The following SGCD variants were observed in gnomAD, a reference collection of about 807,000 sequenced individuals.
The protein encoded by SGCD is sarcoglycan delta.
A neutral mutation model predicts 36.6 loss-of-function variants in SGCD; 18 were observed. The ratio of observed to expected loss-of-function variants is 0.49; its 90% CI spans 0.34 to 0.73. SGCD has a LOEUF of 0.73. SGCD is among the 30% of genes least tolerant of loss of function. The probability of loss-of-function intolerance (pLI) is 0.01; values close to 1 mark genes in which losing one functional copy is unlikely to be tolerated. For missense variants in SGCD, 387 were observed against 346.7 expected (o/e 1.12, Z -0.92); for synonymous variants, 133 against 130.6 (o/e 1.02, Z -0.12).
chr5:156,754,763 A>T (rs1757275558), intron 7 of SGCD, among the ~76,000 whole-genome samples: 1 of 152,204 alleles, frequency 6.6e-6, no homozygotes, highest in South Asian at 2.1e-4. Flanking sequence ...GTGAGGATTA[A>T]ATGAGATAAC....
chr5:156,298,977 C>T (rs980685936), intron 3 of SGCD, among the ~76,000 whole-genome samples: 4 of 152,056 alleles, frequency 2.6e-5, no homozygotes, highest in Admixed American at 6.6e-5. Context: ...GCTGTGGTTG[C>T]CTGTGCATGT....
chr5:155,866,702 C>A (rs377289125), upstream of SGCD, among the ~76,000 whole-genome samples: 105 of 152,270 alleles, frequency 6.9e-4, no homozygotes, highest in African/African-American at 2.4e-3. Context: ...TCATTCCATC[C>A]TAACAGCAGG....
At chr5:156,039,751 T>G (rs1021428677) in intron 1 of SGCD, among the ~76,000 whole-genome samples, 1 of 152,150 alleles carries the variant, frequency 6.6e-6, no homozygotes, top group Non-Finnish European at 1.5e-5. Flanking sequence ...AGAGAGTAGT[T>G]TCCTTTTTCT....
rs115312312 is a variant in SGCD at position 156,647,697 on chromosome 5, T to A, written c.575+161T>A. 1.2e-3 allele frequency among the ~76,000 whole-genome samples: 183 copies of A among 152,044 alleles called. 1 individual carries two copies. Among genetic ancestry groups the A allele is most frequent in the African/African-American group, 4.1e-3 (172 of 41,476 alleles). ...AAGATAAGCTACAACCAAAAGAAAA[T>A]TTTCTATGAGAACTTAAAATTGAGG... On this transcript the variant is annotated intron_variant, in intron 7 of 8. Coordinates refer to ENST00000337851, the MANE Select transcript of SGCD (RefSeq NM_000337.6).
upstream of SGCD, chr5:156,326,607 G>T (rs935203178): frequency 2.0e-5 from 3 of 152,316 alleles, no homozygotes; most frequent in African/African-American, 7.2e-5. Flanking sequence ...TTTAGGAAGC[G>T]GCAGGTAGGG....
chr5:156,281,627 C>A (rs896548181), intron 3 of SGCD, among the ~76,000 whole-genome samples: 1 of 151,992 alleles, frequency 6.6e-6, no homozygotes, highest in Non-Finnish European at 1.5e-5. Flanking sequence ...CTTTCATGAA[C>A]CTTACATTCT....
At chr5:155,775,922 C>G in the SGCD span, among the ~76,000 whole-genome samples, 2 of 152,248 alleles carry the variant, frequency 1.3e-5, no homozygotes, top group South Asian at 4.1e-4. Flanking sequence ...TCTGGGTCAT[C>G]ACAAATGCTT....
chr5:155,859,168 C>T, the SGCD span, among the ~76,000 whole-genome samples: 1 of 151,956 alleles, frequency 6.6e-6, no homozygotes, highest in African/African-American at 2.4e-5. Flanking sequence ...TCAGGCAATC[C>T]TTCCACCTTA....
At chr5:156,156,408 C>G (rs557934412) in intron 3 of SGCD, among the ~76,000 whole-genome samples, 1 of 151,600 alleles carries the variant, frequency 6.6e-6, no homozygotes, top group Admixed American at 6.5e-5. Flanking sequence ...GTGGGCAGAT[C>G]GCTTGAGGTC....
chr5:156,672,025 C>T (rs1341359825), intron 7 of SGCD, among the ~76,000 whole-genome samples: 2 of 152,174 alleles, frequency 1.3e-5, no homozygotes, highest in Non-Finnish European at 2.9e-5. Flanking sequence ...GACCCAAACA[C>T]CTCCTCTAGG....
Position 156,242,335 on chromosome 5 carries a change from T to G in SGCD, c.-43-87199T>G, listed in dbSNP as rs1765325818. Among the ~76,000 whole-genome samples the G allele has an allele frequency of 2.6e-5, 4 of 152,028 alleles. No homozygotes were observed. The South Asian group carries it at 8.3e-4, about 32-fold the overall frequency. ...GGCAGGATTAAAGGTGGTGGTGGTT[T>G]AGGAGGAAGATGAGTGTGGCTGTAA... is the stretch of plus-strand genomic sequence containing the variant. On this transcript the variant is annotated intron_variant, in intron 3 of 9. Coordinates refer to the SGCD transcript ENST00000517913.
chr5:155,793,754 A>G, the SGCD span, among the ~76,000 whole-genome samples: 1 of 151,782 alleles, frequency 6.6e-6, no homozygotes, highest in Non-Finnish European at 1.5e-5. Flanking sequence ...TCACCATGTT[A>G]GCCAGGCTGG....
At chr5:155,741,397 G>C in the SGCD span, among the ~76,000 whole-genome samples, 11 of 152,218 alleles carry the variant, frequency 7.2e-5, no homozygotes, top group Non-Finnish European at 1.6e-4. Flanking sequence ...AGAGTTTTGC[G>C]GGGCCATTTC....
chr5:156,421,161 G>A (rs1773288421), intron 3 of SGCD, among the ~76,000 whole-genome samples: 1 of 151,982 alleles, frequency 6.6e-6, no homozygotes, highest in Non-Finnish European at 1.5e-5. Flanking sequence ...TTATGAAAAG[G>A]CACAAAGAAA....
chr5:156,487,867 AG>A (rs1361589853), intron 3 of SGCD, among the ~76,000 whole-genome samples: 2 of 146,892 alleles, frequency 1.4e-5, no homozygotes, highest in South Asian at 2.1e-4. Context: ...TGCCCAAAAA[AG>A]AATTCAAAAT....
chr5:156,151,166 C>T (rs928277848), intron 3 of SGCD, among the ~76,000 whole-genome samples: 4 of 151,706 alleles, frequency 2.6e-5, no homozygotes, highest in Middle Eastern at 3.4e-3. Context: ...GAAACAGACA[C>T]AAGAAATTCC....
chr5:156,518,325 C>A (rs1581107894), intron 4 of SGCD, among the ~76,000 whole-genome samples: 2 of 152,164 alleles, frequency 1.3e-5, no homozygotes, highest in African/African-American at 2.4e-5. Context: ...ACAGGAGCAC[C>A]CAGATTCATA....
chr5:155,975,510 A>AGTTTACT (rs1227304624), intron 1 of SGCD, among the ~76,000 whole-genome samples: 1 of 147,912 alleles, frequency 6.8e-6, no homozygotes, highest in African/African-American at 2.5e-5. Context: ...CAAGTTGAAG[A>AGTTTACT]GTTTACTTGT....
chr5:156,229,281 T>TATATATATATATATATATAC (rs1764947560), intron 3 of SGCD, among the ~76,000 whole-genome samples: 1 of 98,096 alleles, frequency 1.0e-5, no homozygotes, highest in African/African-American at 5.6e-5. Context: ...TACATACATA[T>TATATATATATATATATATAC]ATATATATAT....
Sources: allele counts gnomAD v4.1 joint callset (sites outside exome capture counted in the v4.1 genomes callset), GRCh38; gene constraint gnomAD v4.1.1; transcripts MANE v1.5; gene names NCBI Gene and HGNC (gene_info 2026-07-23, HGNC 2026-07-21).